The following MYLK4 variants were observed in gnomAD, a reference collection of about 807,000 sequenced individuals.
The protein encoded by MYLK4 is myosin light chain kinase family member 4.
In MYLK4, 46 loss-of-function variants were observed where a neutral mutation model predicts 48.1. That is an observed-to-expected ratio of 0.96 (90% CI 0.75 to 1.22). MYLK4 has a LOEUF of 1.22. Ranked by LOEUF, MYLK4 falls within the 50% of genes most tolerant of loss-of-function variation. MYLK4 has a pLI of 0.00. For synonymous variants in MYLK4, 170 were observed against 180.8 expected (o/e 0.94, Z 0.48); for missense variants, 451 against 486.1 (o/e 0.93, Z 0.68).
At chr6:2,674,247 C>G (rs1761001001) in intron 11 of MYLK4, among the ~76,000 whole-genome samples, 1 of 152,176 alleles carries the variant, frequency 6.6e-6, no homozygotes, top group Non-Finnish European at 1.5e-5. Context: ...AGTCTGTAGT[C>G]TAAGAGTCTC....
chr6:2,681,424 C>A (rs9503249), intron 7 of MYLK4, among the ~76,000 whole-genome samples: 2 of 151,986 alleles, frequency 1.3e-5, no homozygotes, highest in African/African-American at 4.8e-5. Flanking sequence ...GGGGGTGCTA[C>A]GTGAACCATT....
intron 2 of MYLK4, among the ~76,000 whole-genome samples, chr6:2,727,302 GA>G (rs1763311478): frequency 6.6e-6 from 1 of 152,228 alleles, no homozygotes; most frequent in Admixed American, 6.5e-5. Flanking sequence ...CACAAGGAAA[GA>G]GAAGACCCCG....
the MYLK4 span, chr6:2,766,240 C>A: frequency 6.8e-7 from 1 of 1,464,828 alleles, no homozygotes; most frequent in Non-Finnish European, 9.0e-7. Context: ...GTGGCGGGGG[C>A]CGCCCGCACC....
At chr6:2,741,421 A>G (rs4382335) in intron 2 of MYLK4, among the ~76,000 whole-genome samples, 30,005 of 152,168 alleles carry the variant, frequency 0.2, 3,130 homozygotes, top group East Asian at 0.34. Flanking sequence ...GCATAAAACT[A>G]TCATAATTTT....
chr6:2,728,056 A>G (rs1350602855), intron 2 of MYLK4, among the ~76,000 whole-genome samples: 4 of 151,866 alleles, frequency 2.6e-5, no homozygotes, highest in Admixed American at 6.6e-5. Context: ...ATTTTCCCCC[A>G]TTCTACACAC....
intron 2 of MYLK4, among the ~76,000 whole-genome samples, chr6:2,720,730 ATAGAG>A (rs1763038942): frequency 6.6e-6 from 1 of 152,144 alleles, no homozygotes; most frequent in South Asian, 2.1e-4. Context: ...AGTTTCCACA[ATAGAG>A]TAAAGAAGTC....
At position 2,667,057 on chromosome 6, in the gene MYLK4, G is replaced by T. The variant is rs1286375032; in HGVS notation, c.*868C>A. The stretch of plus-strand genomic sequence containing the variant: ...ATCTTGCTCCAGGAGGTGCAGATCC[G>T]TCTCTTTTAGTTGACAAATGGGGCT... On this transcript the variant is annotated 3_prime_UTR_variant, in exon 13 of 13. Coordinates refer to ENST00000274643, the MANE Select transcript of MYLK4 (RefSeq NM_001012418.5). The T allele has an allele frequency of 1.4e-5, 2 of 147,968 alleles. No individual in the cohort carries two copies. The highest frequency in any genetic ancestry group is 1.4e-4 in the Admixed American group (2 of 14,536). 9.2% of individuals were successfully genotyped at this position (147,968 alleles called of 1,614,324 possible).
Position 2,717,396 on chromosome 6 carries a change from TG to T in MYLK4, c.160-24538del, listed in dbSNP as rs1226488239. 4.6e-5 allele frequency among the ~76,000 whole-genome samples: 7 copies of T among 152,208 alleles called. 1 individual carries two copies. Among genetic ancestry groups the T allele is most frequent in the African/African-American group, 1.2e-4 (5 of 41,464 alleles). The stretch of plus-strand genomic sequence containing the variant: ...AGACCTCCAGAGCAGACATGCAGAA[TG>T]CAGCAGGCCTCACACCTCTCGAAAT... On this transcript the variant is annotated intron_variant, in intron 2 of 12. Coordinates refer to ENST00000274643, the MANE Select transcript of MYLK4 (RefSeq NM_001012418.5).
At chr6:2,763,754 C>T in the MYLK4 span, among the ~76,000 whole-genome samples, 2 of 152,126 alleles carry the variant, frequency 1.3e-5, no homozygotes, top group African/African-American at 4.8e-5. Flanking sequence ...CAACCACGGC[C>T]GGAGTGGACG....
chr6:2,731,696 T>C (rs576597496), intron 2 of MYLK4, among the ~76,000 whole-genome samples: 1 of 152,330 alleles, frequency 6.6e-6, no homozygotes, highest in South Asian at 2.1e-4. Context: ...TCATTAATCA[T>C]TGTATTCAAC....
intron 9 of MYLK4, among the ~76,000 whole-genome samples, chr6:2,678,606 T>C (rs1215828990): frequency 2.6e-5 from 4 of 152,186 alleles, no homozygotes; most frequent in African/African-American, 9.7e-5. Context: ...AGCTTCCTTT[T>C]TAAAGCACTT....
intron 2 of MYLK4, 92 bp from the exon 3 acceptor site, chr6:2,692,951 G>A: frequency 8.5e-7 from 1 of 1,177,690 alleles, no homozygotes; most frequent in Non-Finnish European, 1.2e-6. Flanking sequence ...ATGATTCCGT[G>A]TGGTGGGGAA....
intron 2 of MYLK4, among the ~76,000 whole-genome samples, chr6:2,746,652 G>A (rs1764102812): frequency 6.6e-6 from 1 of 152,170 alleles, no homozygotes. Flanking sequence ...GTGCACCACA[G>A]GGGATGTTTC....
At chr6:2,738,001 T>TTATTAACC (rs1462842349) in intron 2 of MYLK4, among the ~76,000 whole-genome samples, 1 of 129,056 alleles carries the variant, frequency 7.7e-6, no homozygotes, top group Non-Finnish European at 1.6e-5. Context: ...GTGGTCAATG[T>TTATTAACC]TATTAACCCC....
the MYLK4 span, among the ~76,000 whole-genome samples, chr6:2,765,182 A>ACCCCCCCCCCCCCCC: frequency 2.3e-4 from 17 of 72,938 alleles, no homozygotes; most frequent in African/African-American, 5.7e-4. Context: ...TCGCCTCGCA[A>ACCCCCCCCCCCCCCC]CCCCCCCCCC....
At chr6:2,691,157 G>C (rs922633294) in intron 3 of MYLK4, among the ~76,000 whole-genome samples, 5 of 152,176 alleles carry the variant, frequency 3.3e-5, no homozygotes, top group African/African-American at 1.2e-4. Flanking sequence ...ACGGCAGTGA[G>C]ACTAAACCTT....
At chr6:2,762,779 A>C in the MYLK4 span, among the ~76,000 whole-genome samples, 23 of 152,326 alleles carry the variant, frequency 1.5e-4, no homozygotes, top group African/African-American at 5.3e-4. Flanking sequence ...TCGCCGGCTC[A>C]GAAATCAACT....
At chr6:2,766,020 G>C in the MYLK4 span, 9 of 1,325,642 alleles carry the variant, frequency 6.8e-6, no homozygotes, top group Non-Finnish European at 8.7e-6. Flanking sequence ...CGCTCCAGCA[G>C]CCCCGGGAGG....
At chr6:2,747,097 T>G (rs917712191) in intron 2 of MYLK4, among the ~76,000 whole-genome samples, 3 of 152,204 alleles carry the variant, frequency 2.0e-5, no homozygotes, top group Non-Finnish European at 4.4e-5. Flanking sequence ...TCCTAGTGAT[T>G]CCTTCCCACC....
Sources: gnomAD v4.1 joint callset for allele counts (sites outside exome capture counted in the v4.1 genomes callset) on GRCh38, gnomAD v4.1.1 for gene constraint, MANE v1.5 for transcripts, NCBI Gene and HGNC (gene_info 2026-07-23, HGNC 2026-07-21) for gene names.